TIAM1: variants seen among roughly 807,000 people sequenced by gnomAD.
TIAM1 encodes rho guanine nucleotide exchange factor TIAM1.
In TIAM1, 65 loss-of-function variants were observed where a neutral mutation model predicts 163.5. The ratio of observed to expected loss-of-function variants is 0.40; its 90% CI spans 0.33 to 0.49. The LOEUF (loss-of-function observed/expected upper bound fraction) is 0.49, where lower values mean the gene tolerates loss of function less well. Among genes scored for constraint, TIAM1 ranks in the 20% least tolerant of loss-of-function variants. TIAM1 has a pLI of 0.77. For synonymous variants in TIAM1, 833 were observed against 810.1 expected (o/e 1.03, Z -0.48); for missense variants, 1,789 against 2,044.7 (o/e 0.87, Z 2.41).
chr21:31,428,189 A>G (rs534878688), intron 2 of TIAM1, among the ~76,000 whole-genome samples: 1 of 152,022 alleles, frequency 6.6e-6, no homozygotes, highest in East Asian at 1.9e-4. Flanking sequence ...CAGGAGGCAG[A>G]GGTTGCAGTG....
intron 2 of TIAM1, among the ~76,000 whole-genome samples, chr21:31,418,963 T>A (rs1379710749): frequency 6.6e-6 from 1 of 152,086 alleles, no homozygotes; most frequent in African/African-American, 2.4e-5. Flanking sequence ...AGCCCAGTAA[T>A]CCTAGGTTGA....
At chr21:31,269,640 C>T (rs2072959848) in intron 3 of TIAM1, among the ~76,000 whole-genome samples, 4 of 151,830 alleles carry the variant, frequency 2.6e-5, no homozygotes, top group Non-Finnish European at 5.9e-5. Context: ...ACTGGCAACC[C>T]CCAGAAAGTT....
chr21:31,264,125 GT>G (rs199627942), intron 4 of TIAM1, among the ~76,000 whole-genome samples: 2 of 151,038 alleles, frequency 1.3e-5, no homozygotes, highest in Non-Finnish European at 3.0e-5. Context: ...GGACACAAGT[GT>G]TTTTTTTTCT....
intron 5 of TIAM1, among the ~76,000 whole-genome samples, chr21:31,247,005 C>T (rs1209848197): frequency 6.6e-6 from 1 of 152,118 alleles, no homozygotes; most frequent in African/African-American, 2.4e-5. Context: ...AAAGGTAAAG[C>T]CCTATGCTAA....
intron 2 of TIAM1, among the ~76,000 whole-genome samples, chr21:31,298,147 A>T (rs2074363284): frequency 6.6e-6 from 1 of 152,112 alleles, no homozygotes; most frequent in Non-Finnish European, 1.5e-5. Flanking sequence ...ATGAGAACCC[A>T]GGTGGGCTTC....
chr21:31,269,874 T>A (rs1409631745), intron 3 of TIAM1, among the ~76,000 whole-genome samples: 1 of 152,170 alleles, frequency 6.6e-6, no homozygotes, highest in Non-Finnish European at 1.5e-5. Context: ...GGTTTCACTA[T>A]GTTAGCCAGG....
intron 13 of TIAM1, among the ~76,000 whole-genome samples, chr21:31,187,799 T>C (rs548281024): frequency 5.0e-4 from 76 of 152,262 alleles, no homozygotes; most frequent in African/African-American, 1.4e-3. Context: ...CAAAACTCTA[T>C]GGTTACAAGT....
intron 4 of TIAM1, among the ~76,000 whole-genome samples, chr21:31,260,735 G>C (rs1439070601): frequency 7.2e-6 from 1 of 139,142 alleles, no homozygotes; most frequent in Non-Finnish European, 1.5e-5. Context: ...AGATAGAGGA[G>C]AACAGAAAAA....
chr21:31,143,478 A>C (rs1308184479), intron 20 of TIAM1, among the ~76,000 whole-genome samples: 1 of 151,466 alleles, frequency 6.6e-6, no homozygotes, highest in East Asian at 1.9e-4. Flanking sequence ...ACACACACAC[A>C]CGTATATTTT....
chr21:31,360,069 G>C (rs183242363), intron 2 of TIAM1, among the ~76,000 whole-genome samples: 8 of 152,156 alleles, frequency 5.3e-5, no homozygotes, highest in African/African-American at 1.9e-4. Context: ...CAAAGGCAGA[G>C]AGAAAAACCA....
At chr21:31,228,251 A>AGGAG (rs1449156683) in intron 6 of TIAM1, among the ~76,000 whole-genome samples, 20 of 115,940 alleles carry the variant, frequency 1.7e-4, no homozygotes, top group Admixed American at 2.5e-4. Context: ...AAAAAAAAAA[A>AGGAG]AAAAAAAAGG....
chr21:31,382,810 C>A (rs1216341659), intron 2 of TIAM1, among the ~76,000 whole-genome samples: 1 of 152,100 alleles, frequency 6.6e-6, no homozygotes, highest in Non-Finnish European at 1.5e-5. Flanking sequence ...AAACAACGAC[C>A]CATGTGTCAT....
At chr21:31,379,861 G>A (rs2076748389) in intron 2 of TIAM1, among the ~76,000 whole-genome samples, 1 of 152,198 alleles carries the variant, frequency 6.6e-6, no homozygotes, top group Admixed American at 6.5e-5. Context: ...GTTGGGGATT[G>A]GGTGAGAAGA....
At position 31,123,091 on chromosome 21, in the gene TIAM1, G is replaced by A. The variant is rs541767110; in HGVS notation, c.4306+1431C>T. ...AAGGCTTTCTCTTGGTAATCATGAC[G>A]GACGATGGTGTTAAATTGTGGGCTG... is the stretch of plus-strand genomic sequence containing the variant. On this transcript the variant is annotated intron_variant, in intron 27 of 27. Coordinates refer to ENST00000541036, the MANE Select transcript of TIAM1 (RefSeq NM_001353694.2). 7.9e-5 allele frequency among the ~76,000 whole-genome samples: 12 copies of A among 152,278 alleles called. No homozygotes were observed. In the South Asian group the frequency reaches 1.0e-3, roughly 13 times the overall value.
At chr21:31,493,317 AC>A (rs1424857260) in intron 1 of TIAM1, among the ~76,000 whole-genome samples, 1 of 152,232 alleles carries the variant, frequency 6.6e-6, no homozygotes, top group Non-Finnish European at 1.5e-5. Flanking sequence ...AAATACAGAC[AC>A]ATATAACCTA....
intron 5 of TIAM1, among the ~76,000 whole-genome samples, chr21:31,250,919 T>C (rs2071768014): frequency 6.6e-6 from 1 of 152,246 alleles, no homozygotes; most frequent in South Asian, 2.1e-4. Context: ...TACACATGCA[T>C]GTCTGTATCT....
At chr21:31,461,423 G>A (rs1881391873) in intron 2 of TIAM1, among the ~76,000 whole-genome samples, 1 of 152,086 alleles carries the variant, frequency 6.6e-6, no homozygotes, top group African/African-American at 2.4e-5. Flanking sequence ...GGCGGAGGTT[G>A]GAGTAAACTG....
At chr21:31,509,375 G>A (rs2284543) in intron 1 of TIAM1, among the ~76,000 whole-genome samples, 30,911 of 152,056 alleles carry the variant, frequency 0.2, 3,304 homozygotes, top group Middle Eastern at 0.28. Flanking sequence ...AGCTCTCCTG[G>A]AGTCCTGCAA....
At chr21:31,181,943 C>G (rs2085050337) in intron 15 of TIAM1, among the ~76,000 whole-genome samples, 1 of 150,636 alleles carries the variant, frequency 6.6e-6, no homozygotes, top group African/African-American at 2.4e-5. Context: ...CTCCACTATG[C>G]CCAGCTCATT....
Sources: gnomAD v4.1 joint callset for allele counts (sites outside exome capture counted in the v4.1 genomes callset) on GRCh38, gnomAD v4.1.1 for gene constraint, MANE v1.5 for transcripts, NCBI Gene and HGNC (gene_info 2026-07-23, HGNC 2026-07-21) for gene names.